The following PDE4B variants were observed in gnomAD, a reference collection of about 807,000 sequenced individuals.
The protein encoded by PDE4B is phosphodiesterase 4B.
Under a neutral mutation model 82.2 loss-of-function variants are expected in PDE4B, and 20 were observed. The observed-to-expected ratio is 0.24, with a 90% CI of 0.17 to 0.35. The LOEUF is 0.35. PDE4B is among the 10% of genes least tolerant of loss of function. PDE4B has a pLI of 1.00. For missense variants in PDE4B, 655 were observed against 907.2 expected, an observed-to-expected ratio of 0.72 and a Z score of 3.57; for synonymous variants, 320 against 318.9, an observed-to-expected ratio of 1.00 and a Z score of -0.04.
intron 3 of PDE4B, among the ~76,000 whole-genome samples, chr1:66,157,889 A>G (rs981879017): frequency 1.3e-5 from 2 of 152,172 alleles, no homozygotes; most frequent in African/African-American, 4.8e-5. Context: ...AAAAGTGATC[A>G]TCTTTTCATA....
At chr1:66,305,408 A>G (rs991686386) in intron 7 of PDE4B, among the ~76,000 whole-genome samples, 9 of 141,320 alleles carry the variant, frequency 6.4e-5, no homozygotes, top group African/African-American at 2.4e-4. Flanking sequence ...ATGCCTAGTT[A>G]AATTTGAATT....
At chr1:65,868,233 T>C (rs1429116270) in intron 1 of PDE4B, among the ~76,000 whole-genome samples, 1 of 152,230 alleles carries the variant, frequency 6.6e-6, no homozygotes, top group Non-Finnish European at 1.5e-5. Context: ...TCTGATGAAA[T>C]ATAGGCATTT....
intron 3 of PDE4B, among the ~76,000 whole-genome samples, chr1:65,931,024 C>T (rs1647802721): frequency 6.6e-6 from 1 of 152,154 alleles, no homozygotes; most frequent in Non-Finnish European, 1.5e-5. Context: ...CATGGGGGCA[C>T]TTTCACATGA....
At chr1:65,942,494 G>A (rs1021184948) in intron 3 of PDE4B, among the ~76,000 whole-genome samples, 3 of 151,952 alleles carry the variant, frequency 2.0e-5, no homozygotes, top group South Asian at 2.1e-4. Flanking sequence ...TATTAACATG[G>A]TAGTGCAGAT....
chr1:65,987,633 T>C (rs1651022993), intron 3 of PDE4B, among the ~76,000 whole-genome samples: 1 of 152,152 alleles, frequency 6.6e-6, no homozygotes, highest in African/African-American at 2.4e-5. Flanking sequence ...TTTTTTGAGA[T>C]GGAGTCTCAC....
chr1:66,277,983 G>A (rs984039153), intron 7 of PDE4B, among the ~76,000 whole-genome samples: 1 of 152,174 alleles, frequency 6.6e-6, no homozygotes, highest in Non-Finnish European at 1.5e-5. Context: ...GCATAGAATT[G>A]TTTTAAGAGC....
intron 3 of PDE4B, among the ~76,000 whole-genome samples, chr1:66,128,746 A>G (rs771874579): frequency 5.6e-4 from 85 of 152,328 alleles, no homozygotes; most frequent in Non-Finnish European, 1.1e-3. Context: ...CCACATGGCT[A>G]GGGAGGTCTC....
chr1:66,139,418 G>T (rs1170061983), intron 3 of PDE4B, among the ~76,000 whole-genome samples: 1 of 151,894 alleles, frequency 6.6e-6, no homozygotes, highest in African/African-American at 2.4e-5. Flanking sequence ...GCCAGCAAAG[G>T]CACGCCCTTC....
intron 9 of PDE4B, 128 bp from the exon 10 acceptor site, chr1:66,361,486 GA>G (rs920257650): frequency 1.2e-5 from 8 of 676,834 alleles, no homozygotes; most frequent in Middle Eastern, 4.1e-4. Context: ...GAGATACAGT[GA>G]AATAGTGCTA....
At chr1:66,184,262 T>A (rs751881800) in intron 3 of PDE4B, among the ~76,000 whole-genome samples, 4 of 152,140 alleles carry the variant, frequency 2.6e-5, no homozygotes, top group Non-Finnish European at 4.4e-5. Context: ...ATCTGGCTCA[T>A]GGTGCCAATT....
chr1:65,971,858 T>C (rs901988913), intron 3 of PDE4B, among the ~76,000 whole-genome samples: 1 of 152,208 alleles, frequency 6.6e-6, no homozygotes, highest in Non-Finnish European at 1.5e-5. Context: ...TAACAATATA[T>C]CATTTGAAAG....
chr1:66,164,922 C>G (rs1372742630), intron 3 of PDE4B, among the ~76,000 whole-genome samples: 1 of 151,894 alleles, frequency 6.6e-6, no homozygotes, highest in African/African-American at 2.4e-5. Flanking sequence ...ACCACCACGC[C>G]TGGCTAATTT....
chr1:65,835,625 G>A lies in PDE4B; in HGVS notation c.-71+42377G>A, dbSNP rs139616895. Among the ~76,000 whole-genome samples, 682 of 152,224 alleles carry A rather than the reference G, an allele frequency of 4.5e-3. 5 individuals carry two copies. The highest frequency in any genetic ancestry group is 0.015 in the African/African-American group (633 of 41,538). On this transcript the variant is annotated intron_variant, in intron 1 of 16. Transcript: ENST00000341517. ...TGATTATCTTAGTGAAGTCACTAGA[G>A]GCATCAACTTTTGACCAGTTTGGCC...
rs150239866 is a variant in PDE4B at position 66,243,445 on chromosome 1, A to G, written c.282-4015A>G. Reference sequence around the variant, plus strand: ...CTGAGTCCCTTCTGGCTTGGAGATAACAATGTATTGGGGAGCAGTAAATAA... The same window carrying G: ...CTGAGTCCCTTCTGGCTTGGAGATAGCAATGTATTGGGGAGCAGTAAATAA... On this transcript the variant is annotated intron_variant, in intron 3 of 16. Transcript: ENST00000341517. 2.6e-4 allele frequency among the ~76,000 whole-genome samples: 40 copies of G among 152,336 alleles called. No homozygotes were observed. The East Asian group carries it at 5.8e-3, about 22-fold the overall frequency.
intron 3 of PDE4B, among the ~76,000 whole-genome samples, chr1:66,173,136 G>C (rs369626851): frequency 9.2e-5 from 14 of 152,160 alleles, no homozygotes; most frequent in African/African-American, 3.1e-4. Context: ...GGATAAGTAG[G>C]CCATAAGTAA....
chr1:66,291,633 T>G (rs1466175233), intron 7 of PDE4B, among the ~76,000 whole-genome samples: 3 of 152,200 alleles, frequency 2.0e-5, no homozygotes, highest in Non-Finnish European at 4.4e-5. Context: ...GTTTGTTGGT[T>G]TTTTGCAAGC....
intron 3 of PDE4B, among the ~76,000 whole-genome samples, chr1:66,037,313 A>G (rs1428045286): frequency 6.6e-6 from 1 of 152,042 alleles, no homozygotes; most frequent in South Asian, 2.1e-4. Flanking sequence ...TATAGTTTTC[A>G]GTGTAGAGAT....
intron 1 of PDE4B, among the ~76,000 whole-genome samples, chr1:65,875,180 G>A (rs1395418708): frequency 2.0e-5 from 3 of 152,056 alleles, no homozygotes; most frequent in African/African-American, 7.2e-5. Context: ...CATTTATGCA[G>A]CCAAAAAACA....
intron 1 of PDE4B, among the ~76,000 whole-genome samples, chr1:65,846,372 G>A (rs556755377): frequency 1.5e-3 from 235 of 152,270 alleles, no homozygotes; most frequent in Non-Finnish European, 3.1e-3. Context: ...GATAAACATA[G>A]GGCAAGGTTG....
Sources: allele counts gnomAD v4.1 joint callset (sites outside exome capture counted in the v4.1 genomes callset), GRCh38; gene constraint gnomAD v4.1.1; transcripts MANE v1.5; gene names NCBI Gene and HGNC (gene_info 2026-07-23, HGNC 2026-07-21).